Variants in XYLT1 observed in about 807,000 individuals in gnomAD.
XYLT1 encodes the protein xylosyltransferase 1, also known as beta-D-xylosyltransferase 1.
In XYLT1, 36 loss-of-function variants were observed where a neutral mutation model predicts 91.3. The ratio of observed to expected loss-of-function variants is 0.39; its 90% CI spans 0.30 to 0.52. XYLT1 has a LOEUF of 0.52. Ranked by LOEUF, XYLT1 falls within the 20% of genes least tolerant of loss-of-function variation. The pLI is 0.68. For missense variants in XYLT1, 1,242 were observed against 1,284.5 expected (o/e 0.97, Z 0.51); for synonymous variants, 588 against 532.0 (o/e 1.11, Z -1.45).
intron 1 of XYLT1, among the ~76,000 whole-genome samples, chr16:17,397,256 G>C (rs1478012670): frequency 6.6e-6 from 1 of 152,136 alleles, no homozygotes; most frequent in African/African-American, 2.4e-5. Context: ...TCGGGTAACA[G>C]AAAGGAAATA....
chr16:17,256,843 G>A (rs1204425760), intron 3 of XYLT1, among the ~76,000 whole-genome samples: 3 of 152,194 alleles, frequency 2.0e-5, no homozygotes, highest in Non-Finnish European at 2.9e-5. Flanking sequence ...GATGCCGGTG[G>A]AACGGAAAGC....
chr16:17,200,438 C>A (rs11075341), intron 4 of XYLT1, 44 bp downstream of exon 4: 28 of 1,591,626 alleles, frequency 1.8e-5, no homozygotes, highest in Middle Eastern at 1.7e-4. Context: ...GACGGACAGA[C>A]CCCGAAGAAA....
intron 1 of XYLT1, among the ~76,000 whole-genome samples, chr16:17,422,999 AG>A (rs1350338590): frequency 6.6e-6 from 1 of 152,186 alleles, no homozygotes; most frequent in Non-Finnish European, 1.5e-5. Context: ...AGCCCTGCAA[AG>A]TCCCCGTACA....
intron 3 of XYLT1, among the ~76,000 whole-genome samples, chr16:17,222,560 C>T (rs1251015752): frequency 6.6e-6 from 1 of 152,066 alleles, no homozygotes; most frequent in Non-Finnish European, 1.5e-5. Flanking sequence ...GAGGTGGAGG[C>T]GGGTGGATCA....
At chr16:17,199,612 T>A (rs770875854) in intron 4 of XYLT1, among the ~76,000 whole-genome samples, 4 of 152,174 alleles carry the variant, frequency 2.6e-5, no homozygotes, top group Admixed American at 6.5e-5. Flanking sequence ...AGGGGTGGTT[T>A]CTCCCATACT....
intron 2 of XYLT1, among the ~76,000 whole-genome samples, chr16:17,349,050 G>A (rs1399853888): frequency 6.6e-6 from 1 of 152,192 alleles, no homozygotes; most frequent in African/African-American, 2.4e-5. Context: ...CGGTGGGGGT[G>A]CCCTGAGAGA....
intron 3 of XYLT1, among the ~76,000 whole-genome samples, chr16:17,219,898 G>T (rs541085606): frequency 6.6e-6 from 1 of 152,300 alleles, no homozygotes; most frequent in East Asian, 1.9e-4. Flanking sequence ...GGGCGTGGTG[G>T]TGCATGCCTG....
At chr16:17,380,062 C>T (rs1049136211) in intron 1 of XYLT1, among the ~76,000 whole-genome samples, 10 of 151,950 alleles carry the variant, frequency 6.6e-5, no homozygotes, top group African/African-American at 2.2e-4. Flanking sequence ...CCAAGGCAGG[C>T]GGATCACTTG....
At chr16:17,128,499 C>T (rs143058399) in intron 9 of XYLT1, among the ~76,000 whole-genome samples, 4 of 152,144 alleles carry the variant, frequency 2.6e-5, no homozygotes, top group African/African-American at 9.7e-5. Context: ...TTGAGCAAAA[C>T]CTTTCATTCG....
At chr16:17,368,297 T>G (rs1319432575) in intron 1 of XYLT1, among the ~76,000 whole-genome samples, 3 of 152,056 alleles carry the variant, frequency 2.0e-5, no homozygotes, top group African/African-American at 7.2e-5. Context: ...CCTTCTACAT[T>G]TAGAGTCAGG....
intron 2 of XYLT1, among the ~76,000 whole-genome samples, chr16:17,279,161 C>A (rs762934290): frequency 2.0e-5 from 3 of 152,148 alleles, no homozygotes; most frequent in Non-Finnish European, 4.4e-5. Flanking sequence ...AGAGGCAGCG[C>A]GGCTCTGTGA....
chr16:17,423,660 A>C (rs931633082), intron 1 of XYLT1, among the ~76,000 whole-genome samples: 1 of 151,198 alleles, frequency 6.6e-6, no homozygotes. Flanking sequence ...ACCAGGCTGG[A>C]GTGCATTGGT....
intron 3 of XYLT1, among the ~76,000 whole-genome samples, chr16:17,203,794 G>A (rs2032587070): frequency 1.3e-5 from 2 of 152,192 alleles, no homozygotes; most frequent in South Asian, 2.1e-4. Context: ...AAGCCTCCAA[G>A]AGCTTATCAT....
At chr16:17,453,858 T>C (rs536401398) in intron 1 of XYLT1, among the ~76,000 whole-genome samples, 2 of 152,292 alleles carry the variant, frequency 1.3e-5, no homozygotes, top group African/African-American at 4.8e-5. Flanking sequence ...GTGGACAATA[T>C]GGCTTTGGTA....
intron 5 of XYLT1, among the ~76,000 whole-genome samples, chr16:17,163,594 C>T (rs540475563): frequency 1.3e-5 from 2 of 152,206 alleles, no homozygotes; most frequent in African/African-American, 2.4e-5. Context: ...CACAGCCCAA[C>T]GGTGAGGTGA....
intron 4 of XYLT1, among the ~76,000 whole-genome samples, chr16:17,200,150 G>T (rs1256762219): frequency 6.6e-6 from 1 of 152,036 alleles, no homozygotes; most frequent in Non-Finnish European, 1.5e-5. Context: ...GAACCCAGGA[G>T]GCAGAGGTTG....
chr16:17,311,379 T>C (rs1371631281), intron 2 of XYLT1, among the ~76,000 whole-genome samples: 1 of 152,174 alleles, frequency 6.6e-6, no homozygotes, highest in Non-Finnish European at 1.5e-5. Context: ...ATCAGAATCA[T>C]CTGGAAGATT....
chr16:17,335,862 A>G (rs183084271), intron 2 of XYLT1, among the ~76,000 whole-genome samples: 1 of 152,310 alleles, frequency 6.6e-6, no homozygotes, highest in Admixed American at 6.5e-5. Context: ...ATTAGTGGAA[A>G]AACTAGTATA....
intron 1 of XYLT1, among the ~76,000 whole-genome samples, chr16:17,468,387 T>A (rs1395429717): frequency 6.6e-6 from 1 of 151,030 alleles, no homozygotes; most frequent in African/African-American, 2.4e-5. Flanking sequence ...AATACATAAA[T>A]GTCCATCTTG....
Sources: allele counts gnomAD v4.1 joint callset (sites outside exome capture counted in the v4.1 genomes callset), GRCh38; gene constraint gnomAD v4.1.1; transcripts MANE v1.5; gene names NCBI Gene and HGNC (gene_info 2026-07-23, HGNC 2026-07-21).